LNPEP: variants seen among roughly 807,000 people sequenced by gnomAD.
LNPEP encodes the protein leucyl-cystinyl aminopeptidase.
A neutral mutation model predicts 120.6 loss-of-function variants in LNPEP; 64 were observed. The ratio of observed to expected loss-of-function variants is 0.53; its 90% CI spans 0.43 to 0.65. The LOEUF (loss-of-function observed/expected upper bound fraction) is 0.65. LNPEP is among the 30% of genes least tolerant of loss of function. LNPEP has a pLI of 0.00. For synonymous variants in LNPEP, 435 were observed against 425.4 expected (o/e 1.02, Z -0.28); for missense variants, 1,057 against 1,200.0 (o/e 0.88, Z 1.76).
chr5:96,949,152 C>T (rs1467874119), intron 1 of LNPEP, among the ~76,000 whole-genome samples: 1 of 152,204 alleles, frequency 6.6e-6, no homozygotes, highest in African/African-American at 2.4e-5. Context: ...TAGGAGGATT[C>T]TTTCCATTTC....
chr5:97,004,912 T>G (rs27397), intron 9 of LNPEP, among the ~76,000 whole-genome samples: 76,380 of 152,002 alleles, frequency 0.5, 19,389 homozygotes, highest in Middle Eastern at 0.58. Context: ...TATTTCTGCC[T>G]TTCTCATTGA....
rs1582039244 is a variant in LNPEP at position 97,027,960 on chromosome 5, T to C, written c.2946+146T>C. ...CTTTATCAGTACTAATGATTCTGCA[T>C]TGTGATTACTTCTAGAGGGTGGCAT... On this transcript the variant is annotated intron_variant, in intron 17 of 17. Transcript: ENST00000231368. 5 of 622,422 alleles carry C rather than the reference T, an allele frequency of 8.0e-6. No individual in the cohort carries two copies. The East Asian group carries it at 1.1e-4, about 14-fold the overall frequency. 38.6% of individuals were successfully genotyped at this position (622,422 alleles called of 1,614,324 possible).
chr5:96,949,310 C>A (rs559611196), intron 1 of LNPEP, among the ~76,000 whole-genome samples: 2 of 152,240 alleles, frequency 1.3e-5, no homozygotes, highest in Non-Finnish European at 2.9e-5. Flanking sequence ...ACCGCCTGGG[C>A]GCCTCTCCTG....
chr5:96,985,375 G>A (rs959312814), intron 3 of LNPEP, among the ~76,000 whole-genome samples, 157 bp downstream of exon 3: 12 of 152,058 alleles, frequency 7.9e-5, no homozygotes, highest in African/African-American at 2.7e-4. Flanking sequence ...AAATATATTG[G>A]CATCAGTTGG....
Position 97,036,821 on chromosome 5 carries a change from GAAA to G in LNPEP, c.*8293_*8295del, listed in dbSNP as rs138363867. The G allele has an allele frequency of 6.6e-6, 1 of 151,882 alleles. No homozygotes were observed. The highest frequency in any genetic ancestry group is 1.5e-5 in the Non-Finnish European group (1 of 67,946). The allele number at this position is 151,882 out of a possible 1,614,324, so 9.4% of individuals were successfully genotyped here. A position where few individuals can be genotyped will look rare whatever the true frequency, so the allele number is the denominator to read the frequency against. On this transcript the variant is annotated 3_prime_UTR_variant, in exon 18 of 18. Coordinates refer to ENST00000231368, the MANE Select transcript of LNPEP (RefSeq NM_005575.3). The stretch of plus-strand genomic sequence containing the variant: ...GCTATTACTTATACCTGCTGCCATA[GAAA>G]AAAATAAGTTTATTCATGACACATT...
In LNPEP at chr5:97,024,526, C is replaced by G. The variant is rs889700562; in HGVS notation, c.2567C>G (p.Pro856Arg). The G allele has an allele frequency of 5.0e-6, 8 of 1,613,482 alleles. No individual in the cohort carries two copies. The highest frequency in any genetic ancestry group is 2.7e-5 in the African/African-American group (2 of 74,914). The change falls in exon 15 of 18, where the codon CCT becomes CGT. Residue 856 changes from proline (P) to arginine (R), a missense_variant. Coordinates refer to ENST00000231368, the MANE Select transcript of LNPEP (RefSeq NM_005575.3). The stretch of plus-strand genomic sequence containing the variant: ...TTTGACCACCTCTCTTACAGCCTAC[C>G]TACTGATGTCATGACAACTGTGTTC... ...WMASNGTQSL[P>R]TDVMTTVFKV...
At chr5:96,988,334 C>CTTTT (rs1293064236) in intron 4 of LNPEP, among the ~76,000 whole-genome samples, 2 of 115,478 alleles carry the variant, frequency 1.7e-5, no homozygotes, top group African/African-American at 6.9e-5. Context: ...TTTTCTTTTT[C>CTTTT]TTTTCTTTTT....
At chr5:96,971,169 C>T (rs189072782) in intron 1 of LNPEP, among the ~76,000 whole-genome samples, 1 of 151,996 alleles carries the variant, frequency 6.6e-6, no homozygotes, top group Admixed American at 6.6e-5. Flanking sequence ...TTTTCTTTGT[C>T]TTCCAACTCT....
chr5:97,016,315 A>T (rs1373781114), intron 13 of LNPEP, among the ~76,000 whole-genome samples: 1 of 152,150 alleles, frequency 6.6e-6, no homozygotes, highest in Non-Finnish European at 1.5e-5. Context: ...TGAGTGAATA[A>T]ATGATTGAAA....
intron 11 of LNPEP, among the ~76,000 whole-genome samples, chr5:97,011,786 T>C (rs1463409622): frequency 1.3e-5 from 2 of 152,174 alleles, no homozygotes. Context: ...CAGAAATAAG[T>C]ACGGAATTTT....
intron 1 of LNPEP, among the ~76,000 whole-genome samples, chr5:96,951,313 C>A (rs937769277): frequency 1.3e-5 from 2 of 151,944 alleles, no homozygotes; most frequent in African/African-American, 4.8e-5. Context: ...GGCTGGAGTG[C>A]AGTGGCGCGA....
chr5:96,954,618 C>A (rs202226944), intron 1 of LNPEP, among the ~76,000 whole-genome samples: 789 of 57,364 alleles, frequency 0.014, 110 homozygotes, highest in Middle Eastern at 0.037. Flanking sequence ...CTCTCTCTCT[C>A]TATATATATA....
intron 1 of LNPEP, among the ~76,000 whole-genome samples, chr5:96,946,857 A>G (rs1035382465): frequency 7.2e-5 from 11 of 152,216 alleles, no homozygotes; most frequent in African/African-American, 2.4e-4. Context: ...AAATGTATTC[A>G]CCAACTGAGA....
intron 1 of LNPEP, among the ~76,000 whole-genome samples, chr5:96,976,840 A>T (rs1235813085): frequency 6.6e-6 from 1 of 152,170 alleles, no homozygotes; most frequent in Admixed American, 6.6e-5. Flanking sequence ...TTTTAAAAGC[A>T]ATTTTAAAAA....
At chr5:96,961,925 C>G (rs1395927291) in intron 1 of LNPEP, among the ~76,000 whole-genome samples, 1 of 151,978 alleles carries the variant, frequency 6.6e-6, no homozygotes, top group Admixed American at 6.6e-5. Context: ...AGGGGAAAGC[C>G]TGGTTTACTG....
intron 13 of LNPEP, among the ~76,000 whole-genome samples, chr5:97,021,272 G>C (rs191627977): frequency 6.6e-6 from 1 of 152,310 alleles, no homozygotes; most frequent in Non-Finnish European, 1.5e-5. Flanking sequence ...ATACACACTT[G>C]AAAATGAAGC....
In LNPEP at chr5:97,033,443, C is replaced by T. The variant is rs1296663036; in HGVS notation, c.*4910C>T. On this transcript the variant is annotated 3_prime_UTR_variant, in exon 18 of 18. Coordinates refer to ENST00000231368, the MANE Select transcript of LNPEP (RefSeq NM_005575.3). ...TAACAGTCTCCTCTTTTCCCTTTCC[C>T]TTATTGCCCATGTGGGCAATACTTA... is the stretch of plus-strand genomic sequence containing the variant. 1.3e-5 allele frequency: 2 copies of T among 152,312 alleles called. No individual in the cohort carries two copies. The highest frequency in any genetic ancestry group is 3.9e-4 in the East Asian group (2 of 5,192). 9.4% of individuals were successfully genotyped at this position (152,312 alleles called of 1,614,324 possible). A position where few individuals can be genotyped will look rare whatever the true frequency, so the allele number is the denominator to read the frequency against.
At chr5:97,020,862 T>C (rs147209075) in intron 13 of LNPEP, among the ~76,000 whole-genome samples, 2,174 of 152,264 alleles carry the variant, frequency 0.014, 20 homozygotes, top group South Asian at 0.025. Context: ...TTCTTTCTAG[T>C]GGTATTCATA....
In LNPEP at chr5:97,030,785, G is replaced by C. The variant is rs1791454801; in HGVS notation, c.*2252G>C. ...AAGGCTGTTCATTCCCATAATACCA[G>C]ATCCATAATAGTTGTAGTTTTTTTG... On this transcript the variant is annotated 3_prime_UTR_variant, in exon 18 of 18. Coordinates refer to ENST00000231368, the MANE Select transcript of LNPEP (RefSeq NM_005575.3). 6.6e-6 allele frequency: 1 copy of C among 151,834 alleles called. No individual in the cohort carries two copies. The highest frequency in any genetic ancestry group is 1.5e-5 in the Non-Finnish European group (1 of 67,982). 9.4% of individuals were successfully genotyped at this position (151,834 alleles called of 1,614,324 possible). A position where few individuals can be genotyped will look rare whatever the true frequency, so the allele number is the denominator to read the frequency against.
Sources: allele counts gnomAD v4.1 joint callset (sites outside exome capture counted in the v4.1 genomes callset), GRCh38; gene constraint gnomAD v4.1.1; transcripts MANE v1.5; gene names NCBI Gene and HGNC (gene_info 2026-07-23, HGNC 2026-07-21).